KATNIP: variants seen among roughly 807,000 people sequenced by gnomAD.
KATNIP encodes the protein katanin-interacting protein.
Under a neutral mutation model 174.0 loss-of-function variants are expected in KATNIP, and 126 were observed. The observed-to-expected ratio is 0.72, with a 90% CI of 0.63 to 0.84. The LOEUF is 0.84. Ranked by LOEUF, KATNIP falls within the 40% of genes least tolerant of loss-of-function variation. KATNIP has a pLI of 0.00. For missense variants in KATNIP, 1,958 were observed against 2,109.7 expected (o/e 0.93, Z 1.41); for synonymous variants, 810 against 835.7 (o/e 0.97, Z 0.53).
rs1043764121 is a variant in KATNIP, at chr16:27,751,810, T to C, written c.3438T>C (p.Asp1146=). ...ATTCTGATGAGATGTTTGACCTGGA[T>C]GTGGGGAGCCTGGACAGCCTGCAGG... ...IFYSDEMFDL[D]VGSLDSLQDE... Residue 1146 remains aspartate (D), a synonymous_variant, in exon 17 of 28, where the codon GAT becomes GAC. Transcript: ENST00000261588. 1 of 1,614,160 alleles carries C rather than the reference T, an allele frequency of 6.2e-7. No individual in the cohort carries two copies. Among genetic ancestry groups the C allele is most frequent in the African/African-American group, 1.3e-5 (1 of 75,024 alleles).
intron 15 of KATNIP, 91 bp from the exon 16 acceptor site, chr16:27,749,493 T>C: frequency 2.8e-6 from 4 of 1,435,156 alleles, no homozygotes; most frequent in Non-Finnish European, 3.7e-6. Flanking sequence ...CCTGCCTCAC[T>C]GAGAGCCACC....
chr16:27,681,494 C>G lies in KATNIP; in HGVS notation c.904C>G (p.Pro302Ala), dbSNP rs749329454. The G allele has an allele frequency of 2.8e-5, 46 of 1,614,120 alleles. 1 individual carries two copies. The highest frequency in any genetic ancestry group is 1.9e-4 in the South Asian group (17 of 91,082). Reference protein sequence around the residue: ...KPEPNLTPQAPAVFPDQERMC... With the variant: ...KPEPNLTPQAAAVFPDQERMC... ...TGAGCCAAACCTGACTCCCCAAGCTCCTGCTGTATTCCCAGACCAGGAGAG... is the reference window on the plus strand; with the variant it reads ...TGAGCCAAACCTGACTCCCCAAGCTGCTGCTGTATTCCCAGACCAGGAGAG... Residue 302 changes from proline to alanine, a missense_variant, in exon 8 of 28, where the codon CCT (proline) becomes GCT (alanine). Around this residue, in one of 3 missense-constraint regions of KATNIP, gnomAD observed 1,557 missense variants for 1,617.8 expected, o/e 0.96. Coordinates refer to ENST00000261588, the MANE Select transcript of KATNIP (RefSeq NM_015202.5).
intron 11 of KATNIP, among the ~76,000 whole-genome samples, chr16:27,703,689 A>G (rs2079189035): frequency 6.6e-6 from 1 of 152,204 alleles, no homozygotes; most frequent in Non-Finnish European, 1.5e-5. Context: ...GTGTTTCCCC[A>G]GCTGGGCTCT....
intron 7 of KATNIP, among the ~76,000 whole-genome samples, chr16:27,679,679 A>G (rs1235815858): frequency 6.6e-6 from 1 of 151,482 alleles, no homozygotes; most frequent in Non-Finnish European, 1.5e-5. Context: ...TTAAGTCTGA[A>G]AAGTTGAAGC....
chr16:27,707,392 C>T (rs941285694), intron 12 of KATNIP, among the ~76,000 whole-genome samples: 19 of 152,104 alleles, frequency 1.2e-4, no homozygotes, highest in Admixed American at 8.5e-4. Flanking sequence ...AGACAGCCGA[C>T]GCAGGAAGGA....
At chr16:27,565,590 A>G (rs1265857084) in intron 1 of KATNIP, among the ~76,000 whole-genome samples, 2 of 152,142 alleles carry the variant, frequency 1.3e-5, no homozygotes, top group South Asian at 2.1e-4. Context: ...GTTTGAGCCC[A>G]GCGTGGGCAA....
chr16:27,655,201 TATATATATATATATATATATATATATA>T (rs1567260063), intron 6 of KATNIP, among the ~76,000 whole-genome samples: 2 of 112,408 alleles, frequency 1.8e-5, no homozygotes, highest in African/African-American at 8.2e-5. Context: ...TATATATATA[TATATATATATATATATATATATATATA>T]TTTTGTTTGT....
intron 13 of KATNIP, among the ~76,000 whole-genome samples, chr16:27,713,539 G>C (rs2079681046): frequency 6.6e-6 from 1 of 151,210 alleles, no homozygotes; most frequent in East Asian, 2.0e-4. Context: ...CCAGGAGTTT[G>C]ACACCAGCCT....
chr16:27,733,124 C>A (rs1196827930), intron 14 of KATNIP, among the ~76,000 whole-genome samples: 1 of 152,182 alleles, frequency 6.6e-6, no homozygotes, highest in Non-Finnish European at 1.5e-5. Context: ...AAGGCAGGTG[C>A]TCATCTCTGG....
intron 14 of KATNIP, among the ~76,000 whole-genome samples, chr16:27,725,180 G>C (rs2080393858): frequency 6.6e-6 from 1 of 152,162 alleles, no homozygotes; most frequent in Admixed American, 6.5e-5. Context: ...CACCCTGTGG[G>C]CACTCAGTAA....
At chr16:27,656,888 GTAAC>G (rs1311305467) in intron 6 of KATNIP, among the ~76,000 whole-genome samples, 11 of 150,292 alleles carry the variant, frequency 7.3e-5, no homozygotes, top group Non-Finnish European at 4.4e-5. Flanking sequence ...GTATACATAT[GTAAC>G]TAACCTGCAC....
chr16:27,735,340 CG>C (rs2080860028), intron 14 of KATNIP, among the ~76,000 whole-genome samples: 1 of 152,214 alleles, frequency 6.6e-6, no homozygotes, highest in Admixed American at 6.5e-5. Flanking sequence ...TTGTGGAAGC[CG>C]GCCACCCTAT....
Position 27,777,001 on chromosome 16 carries a change from C to T in KATNIP, c.4523C>T (p.Thr1508Ile). 1.2e-6 allele frequency: 2 copies of T among 1,613,484 alleles called. No homozygotes were observed. Among genetic ancestry groups the T allele is most frequent in the South Asian group, 2.2e-5 (2 of 91,064 alleles). ...ATCAAACTGTGGAATTATGCGAAAA[C>T]ACCCCATCGAGGGGTGAAGGAGTTT... Reference protein sequence around the residue: ...SMIKLWNYAKTPHRGVKEFGL... With the variant: ...SMIKLWNYAKIPHRGVKEFGL... The change falls in exon 25 of 28, where the codon ACA (threonine) becomes ATA (isoleucine). Residue 1508 changes from threonine to isoleucine, a missense_variant. Coordinates refer to ENST00000261588, the MANE Select transcript of KATNIP (RefSeq NM_015202.5). This position sits in a 1 kb window ranked among gnomAD's most constrained non-coding sequence, Gnocchi z 4.4.
chr16:27,690,170 C>A (rs2142896977), intron 8 of KATNIP, among the ~76,000 whole-genome samples: 1 of 152,086 alleles, frequency 6.6e-6, no homozygotes, highest in South Asian at 2.1e-4. Flanking sequence ...ATAAAACTAG[C>A]TGGGTGATGT....
chr16:27,704,128 C>T (rs967431891), intron 12 of KATNIP, 130 bp downstream of exon 12: 6 of 692,536 alleles, frequency 8.7e-6, no homozygotes, highest in South Asian at 3.5e-5. Flanking sequence ...CACCGCCCCC[C>T]CCCTCCCTGG....
intron 2 of KATNIP, among the ~76,000 whole-genome samples, chr16:27,575,130 T>C (rs1169010731): frequency 6.6e-6 from 1 of 152,186 alleles, no homozygotes; most frequent in African/African-American, 2.4e-5. Context: ...AGAAGTGCTA[T>C]CACAGAAGGA....
At chr16:27,563,459 A>G (rs2089965641) in intron 1 of KATNIP, among the ~76,000 whole-genome samples, 1 of 152,160 alleles carries the variant, frequency 6.6e-6, no homozygotes, top group South Asian at 2.1e-4. Flanking sequence ...TCGAGGCTGC[A>G]GTGAGCTGTG....
intron 2 of KATNIP, among the ~76,000 whole-genome samples, chr16:27,585,291 C>A (rs561143418): frequency 5.4e-4 from 80 of 148,616 alleles, no homozygotes; most frequent in Middle Eastern, 3.4e-3. Flanking sequence ...CAAATACTGG[C>A]GAGGATACAG....
At chr16:27,577,131 A>G (rs755150101) in intron 2 of KATNIP, among the ~76,000 whole-genome samples, 3 of 152,248 alleles carry the variant, frequency 2.0e-5, no homozygotes, top group Non-Finnish European at 2.9e-5. Flanking sequence ...TTTAAAAAGT[A>G]GGTGTCCACA....
Sources: gnomAD v4.1 joint callset for allele counts (sites outside exome capture counted in the v4.1 genomes callset) on GRCh38, gnomAD v4.1.1 for gene constraint, gnomAD v4.1.1 regional missense constraint, Gnocchi (gnomAD v3.1) non-coding constraint, MANE v1.5 for transcripts, NCBI Gene and HGNC (gene_info 2026-07-23, HGNC 2026-07-21) for gene names.